Variants in MAP2K1 observed in about 807,000 individuals in gnomAD.
MAP2K1 encodes mitogen-activated protein kinase kinase 1, also known as dual specificity mitogen-activated protein kinase kinase 1.
Under a neutral mutation model 46.3 loss-of-function variants are expected in MAP2K1, and 16 were observed. That is an observed-to-expected ratio of 0.35 (90% CI 0.23 to 0.52). MAP2K1 has a LOEUF of 0.52. MAP2K1 is among the 20% of genes least tolerant of loss of function. The pLI, the probability that MAP2K1 is intolerant of heterozygous loss-of-function variation, is 0.94. For synonymous variants in MAP2K1, 183 were observed against 185.6 expected (o/e 0.99, Z 0.11); for missense variants, 263 against 497.1 (o/e 0.53, Z 4.48).
At chr15:66,415,185 T>C (rs2093421765) in intron 1 of MAP2K1, 1 of 518,778 alleles carries the variant, frequency 1.9e-6, no homozygotes, top group Non-Finnish European at 3.8e-6. Context: ...TCTTCACTGG[T>C]ATGACTGATG....
At chr15:66,406,921 AC>A (rs1343735101) in intron 1 of MAP2K1, among the ~76,000 whole-genome samples, 1 of 152,056 alleles carries the variant, frequency 6.6e-6, no homozygotes, top group East Asian at 1.9e-4. Flanking sequence ...AATCCCAGCT[AC>A]TTGGGAGGCT....
At chr15:66,415,034 T>C in intron 1 of MAP2K1, 1 of 483,334 alleles carries the variant, frequency 2.1e-6, no homozygotes, top group Non-Finnish European at 4.1e-6. Flanking sequence ...CCTGAGATGC[T>C]CCCCTTCTTC....
chr15:66,391,141 C>T (rs931015015), intron 1 of MAP2K1, among the ~76,000 whole-genome samples: 52 of 151,534 alleles, frequency 3.4e-4, no homozygotes, highest in Non-Finnish European at 5.9e-4. Flanking sequence ...ATTCTACCAC[C>T]TCAGCCTCTT....
intron 1 of MAP2K1, among the ~76,000 whole-genome samples, chr15:66,394,459 CTTT>C (rs34599278): frequency 4.8e-5 from 6 of 125,466 alleles, no homozygotes; most frequent in Admixed American, 8.2e-5. Context: ...TAACCAGGAA[CTTT>C]TTTTTTTTTT....
chr15:66,467,939 A>G (rs1892507722), intron 5 of MAP2K1, among the ~76,000 whole-genome samples: 1 of 152,164 alleles, frequency 6.6e-6, no homozygotes, highest in Non-Finnish European at 1.5e-5. Flanking sequence ...ACACCTTATA[A>G]TATTTGGCAG....
intron 1 of MAP2K1, among the ~76,000 whole-genome samples, chr15:66,417,407 C>T (rs9920745): frequency 0.28 from 42,209 of 151,832 alleles, 6,518 homozygotes; most frequent in South Asian, 0.37. Context: ...CCTGTCTCTA[C>T]AGAAAATTAC....
intron 5 of MAP2K1, among the ~76,000 whole-genome samples, chr15:66,480,290 A>G (rs1019467866): frequency 6.6e-6 from 1 of 152,068 alleles, no homozygotes; most frequent in Non-Finnish European, 1.5e-5. Flanking sequence ...GAGTTACGCC[A>G]TGTTGGTCAG....
chr15:66,484,652 G>A (rs1892994961), intron 6 of MAP2K1, among the ~76,000 whole-genome samples: 1 of 151,890 alleles, frequency 6.6e-6, no homozygotes, highest in Non-Finnish European at 1.5e-5. Flanking sequence ...GCTGGGCTTC[G>A]GACAGGCTGC....
chr15:66,480,902 TCTATGCA>T (rs1892898115), intron 5 of MAP2K1, among the ~76,000 whole-genome samples: 1 of 152,194 alleles, frequency 6.6e-6, no homozygotes. Flanking sequence ...TTGACCCTGG[TCTATGCA>T]CATTACAGGA....
At chr15:66,484,255 C>G (rs1171279131) in intron 6 of MAP2K1, among the ~76,000 whole-genome samples, 2 of 151,756 alleles carry the variant, frequency 1.3e-5, no homozygotes, top group East Asian at 1.9e-4. Flanking sequence ...TCAAGTGATT[C>G]TCCTGCCTCA....
rs144947818 is a variant in MAP2K1, at chr15:66,405,060, T to A, written c.80+17633T>A. Among the ~76,000 whole-genome samples, 124 of 152,344 alleles carry A rather than the reference T, an allele frequency of 8.1e-4. No homozygotes were observed. The East Asian group carries it at 0.024, about 29-fold the overall frequency. On this transcript the variant is annotated intron_variant, in intron 1 of 10. Coordinates refer to ENST00000307102, the MANE Select transcript of MAP2K1 (RefSeq NM_002755.4). ...ACCATTTATGAAGGCCTACCTCATCTCTTTGCATTCATTATCTTGAATTTG... is the reference window on the plus strand; with the variant it reads ...ACCATTTATGAAGGCCTACCTCATCACTTTGCATTCATTATCTTGAATTTG...
At chr15:66,437,543 G>GTC (rs1595862198) in intron 3 of MAP2K1, among the ~76,000 whole-genome samples, 2 of 152,294 alleles carry the variant, frequency 1.3e-5, no homozygotes. Flanking sequence ...GCTGACGTGA[G>GTC]TCTGCACACT....
intron 1 of MAP2K1, among the ~76,000 whole-genome samples, chr15:66,392,230 A>G (rs1455430636): frequency 2.3e-5 from 3 of 129,734 alleles, no homozygotes; most frequent in African/African-American, 9.4e-5. Flanking sequence ...GGGGAGAACC[A>G]CGAATATTTG....
rs1462240441 is a variant in MAP2K1, at chr15:66,489,714, T to G, written c.1023-4T>G. 1 of 1,612,984 alleles carries G rather than the reference T, an allele frequency of 6.2e-7. No homozygotes were observed. Among genetic ancestry groups the G allele is most frequent in the Non-Finnish European group, 8.5e-7 (1 of 1,178,932 alleles). ...AGCTCTTACCTTGTCTTTCTTCCTT[T>G]AAGCTTAATAAAAAACCCCGCAGAG... On this transcript the variant is annotated splice_region_variant and splice_polypyrimidine_tract_variant and intron_variant, in intron 9 of 10. Coordinates refer to ENST00000307102, the MANE Select transcript of MAP2K1 (RefSeq NM_002755.4).
intron 5 of MAP2K1, among the ~76,000 whole-genome samples, chr15:66,478,603 A>G (rs556157078): frequency 6.6e-6 from 1 of 151,300 alleles, no homozygotes; most frequent in Admixed American, 6.6e-5. Context: ...GGTTCAAGCA[A>G]TTCTCCTGCC....
At chr15:66,401,781 C>CT (rs977957579) in intron 1 of MAP2K1, 2 of 152,652 alleles carry the variant, frequency 1.3e-5, no homozygotes, top group African/African-American at 4.8e-5. Context: ...TGAACTGGGT[C>CT]TTGAAGGATG....
At chr15:66,448,167 A>AAG (rs1891929017) in intron 5 of MAP2K1, among the ~76,000 whole-genome samples, 1 of 147,392 alleles carries the variant, frequency 6.8e-6, no homozygotes, top group Non-Finnish European at 1.5e-5. Flanking sequence ...AAAAAAAAAA[A>AAG]AAAAAACCCA....
Position 66,443,263 on chromosome 15 carries a change from G to A in MAP2K1, c.439-17G>A. 1 of 1,511,608 alleles carries A rather than the reference G, an allele frequency of 6.6e-7. No individual in the cohort carries two copies. Among genetic ancestry groups the A allele is most frequent in the Non-Finnish European group, 9.2e-7 (1 of 1,086,832 alleles). 93.6% of individuals were successfully genotyped at this position (1,511,608 alleles called of 1,614,324 possible). On this transcript the variant is annotated splice_polypyrimidine_tract_variant and intron_variant, in intron 3 of 10. Coordinates refer to ENST00000307102, the MANE Select transcript of MAP2K1 (RefSeq NM_002755.4). ...TTAGAACATTGTCACTAACTGGTCT[G>A]GTATTCTCGATCTTAGGATGGAGGT...
At chr15:66,449,056 A>G (rs1402419852) in intron 5 of MAP2K1, among the ~76,000 whole-genome samples, 1 of 151,240 alleles carries the variant, frequency 6.6e-6, no homozygotes, top group Non-Finnish European at 1.5e-5. Flanking sequence ...ATTCAGAGAG[A>G]GGACAACCAT....
Sources: allele counts gnomAD v4.1 joint callset (sites outside exome capture counted in the v4.1 genomes callset), GRCh38; gene constraint gnomAD v4.1.1; transcripts MANE v1.5; gene names NCBI Gene and HGNC (gene_info 2026-07-23, HGNC 2026-07-21).